The following ZNF677 variants were observed in gnomAD, a reference collection of about 807,000 sequenced individuals.
The protein encoded by ZNF677 is zinc finger protein 677, also known as hypothetical protein MGC48625.
In ZNF677, 5 loss-of-function variants were observed where a neutral mutation model predicts 8.1. That is an observed-to-expected ratio of 0.62 (90% confidence interval 0.32 to 1.29). ZNF677 has a LOEUF of 1.29. Ranked by LOEUF, ZNF677 falls within the 50% of genes most tolerant of loss-of-function variation. The probability of loss-of-function intolerance (pLI) is 0.05; values close to 1 mark genes in which losing one functional copy is unlikely to be tolerated. For missense variants in ZNF677, 685 were observed against 685.9 expected (o/e 1.00, Z 0.01); for synonymous variants, 221 against 225.6 (o/e 0.98, Z 0.18).
chr19:53,254,330 C>T (rs1314703956), intron 1 of ZNF677, among the ~76,000 whole-genome samples: 2 of 152,060 alleles, frequency 1.3e-5, no homozygotes, highest in Admixed American at 1.3e-4. Flanking sequence ...CATTTGGCTT[C>T]CCTTCCTCTC....
chr19:53,250,648 C>A (rs1276700668), intron 3 of ZNF677, among the ~76,000 whole-genome samples: 2 of 152,084 alleles, frequency 1.3e-5, no homozygotes, highest in Admixed American at 6.5e-5. Context: ...TAGAGGGAAA[C>A]AACACACACT....
At position 53,238,336 on chromosome 19, in the gene ZNF677, TGTGA is replaced by T. The variant is rs780001161; in HGVS notation, c.387_390del (p.His130GlufsTer15). 8.1e-6 allele frequency: 13 copies of T among 1,613,034 alleles called. No individual in the cohort carries two copies. Among genetic ancestry groups the T allele is most frequent in the South Asian group, 2.2e-5 (2 of 90,830 alleles). ...GATTTATTATGTTGTTGATCTTTTCTGTGAGTGAGATTTTTGTTACAGGTCAAAG... is the reference window on the plus strand; with the variant it reads ...GATTTATTATGTTGTTGATCTTTTCTGTGAGATTTTTGTTACAGGTCAAAG... On this transcript the variant is annotated frameshift_variant, in exon 5 of 5. Transcript: ENST00000598513. LOFTEE classifies it low-confidence loss of function (END_TRUNC).
intron 1 of ZNF677, 57 bp downstream of exon 1, chr19:53,254,777 G>C (rs1210045411): frequency 6.5e-6 from 1 of 152,672 alleles, no homozygotes; most frequent in Non-Finnish European, 1.5e-5. Flanking sequence ...CGACAGCGGA[G>C]CGTGGGAACC....
At chr19:53,253,829 C>G (rs1258698489) in intron 1 of ZNF677, among the ~76,000 whole-genome samples, 1 of 152,000 alleles carries the variant, frequency 6.6e-6, no homozygotes, top group Non-Finnish European at 1.5e-5. Flanking sequence ...AAGTTGAATA[C>G]ACGTCAAATT....
At position 53,237,854 on chromosome 19, in the gene ZNF677, G is replaced by C; in HGVS notation, c.873C>G (p.Tyr291Ter). Residue 291 changes from tyrosine (Y) to a stop codon, truncating the protein, a stop_gained, in exon 5 of 5, where the codon TAC (tyrosine) becomes TAG (stop). Transcript: ENST00000598513. LOFTEE classifies it low-confidence loss of function (END_TRUNC). ...AGGCTTTGCCACACTCGTTACATTT[G>C]TAAGGTCTCTGTCCAGAGTGAATTC... ...HQRIHSGQRPYKCNECGKAFN... is the reference protein window; with the variant it reads ...HQRIHSGQRP 6.2e-7 allele frequency: 1 copy of C among 1,613,860 alleles called. No homozygotes were observed. The highest frequency in any genetic ancestry group is 8.5e-7 in the Non-Finnish European group (1 of 1,179,986).
Position 53,237,436 on chromosome 19 carries a change from G to A in ZNF677, c.1291C>T (p.His431Tyr), listed in dbSNP as rs1225391776. The A allele has an allele frequency of 1.2e-6, 2 of 1,613,878 alleles. No individual in the cohort carries two copies. Among genetic ancestry groups the A allele is most frequent in the South Asian group, 2.2e-5 (2 of 91,062 alleles). Residue 431 changes from histidine (H) to tyrosine (Y), a missense_variant, in exon 5 of 5, where the codon CAC becomes TAC. His to Tyr is a moderately conservative substitution (Grantham distance 83). Coordinates refer to ENST00000598513, the MANE Select transcript of ZNF677 (RefSeq NM_182609.4). ...HQNIHPGEKP[H>Y]KCNVCGRAFI... is the part of the protein sequence containing the mutation. Reference sequence around the variant, plus strand: ...GCCCTGCCACACACATTACATTTGTGTGGTTTCTCTCCAGGATGTATATTC... The same window carrying A: ...GCCCTGCCACACACATTACATTTGTATGGTTTCTCTCCAGGATGTATATTC...
In ZNF677 at chr19:53,253,102, G is replaced by A. The variant is rs2091260312; in HGVS notation, c.-72C>T. On this transcript the variant is annotated 5_prime_UTR_variant, in exon 2 of 5. Transcript: ENST00000598513. ...TATATTTACCATTCATTAAGAAGAA[G>A]TGGATCATCACAGTTCATCTTCCTC... 6.6e-6 allele frequency: 1 copy of A among 152,176 alleles called. No homozygotes were observed. Among genetic ancestry groups the A allele is most frequent in the African/African-American group, 2.4e-5 (1 of 41,424 alleles). The allele number at this position is 152,176 out of a possible 1,614,324, so 9.4% of individuals were successfully genotyped here.
At chr19:53,241,982 AGTGCAATGGC>A (rs72461224) in intron 4 of ZNF677, 175,495 of 393,074 alleles carry the variant, frequency 0.45, 41,212 homozygotes, top group East Asian at 0.76. Flanking sequence ...CCCAGGCTGG[AGTGCAATGGC>A]GTGATCTCGG....
In ZNF677 at chr19:53,253,163, T is replaced by C. The variant is rs768744844; in HGVS notation, c.-126-7A>G. 3.3e-5 allele frequency: 5 copies of C among 152,098 alleles called. No individual in the cohort carries two copies. Among genetic ancestry groups the C allele is most frequent in the Non-Finnish European group, 7.4e-5 (5 of 68,016 alleles). The allele number at this position is 152,098 out of a possible 1,614,324, so 9.4% of individuals were successfully genotyped here. A position where few individuals can be genotyped will look rare whatever the true frequency, so the allele number is the denominator to read the frequency against. On this transcript the variant is annotated splice_polypyrimidine_tract_variant and splice_region_variant and intron_variant, in intron 1 of 4. Transcript: ENST00000598513. ...CGAGGTCATATTGTGTGGGCTGCAG[T>C]GGAAAAGGAAGAGAAGAGGTTCATT...
intron 3 of ZNF677, among the ~76,000 whole-genome samples, chr19:53,247,936 C>T (rs567634412): frequency 6.6e-6 from 1 of 152,176 alleles, no homozygotes; most frequent in African/African-American, 2.4e-5. Context: ...CCAATAAGTG[C>T]CTTTTAAAGG....
In ZNF677 at chr19:53,236,972, CTAG is replaced by C. The variant is rs1397865479; in HGVS notation, c.1752_1754del (p.Ter585delextTer16). On this transcript the variant is annotated stop_lost and inframe_deletion, in exon 5 of 5. Transcript: ENST00000598513. Reference sequence around the variant, plus strand: ...TCTTTTCACAATGGAGCCCCTGATGCTAGGTACAGCTTGAATACTTAATTTTTG... The same window carrying C: ...TCTTTTCACAATGGAGCCCCTGATGCGTACAGCTTGAATACTTAATTTTTG... 1 of 1,536,826 alleles carries C rather than the reference CTAG, an allele frequency of 6.5e-7. No individual in the cohort carries two copies. Among genetic ancestry groups the C allele is most frequent in the Non-Finnish European group, 8.7e-7 (1 of 1,149,390 alleles).
intron 3 of ZNF677, among the ~76,000 whole-genome samples, chr19:53,248,364 G>A (rs1371842444): frequency 6.6e-6 from 1 of 152,114 alleles, no homozygotes; most frequent in African/African-American, 2.4e-5. Context: ...TAAAAAACCA[G>A]TAATATTGGC....
rs775229411 is a variant in ZNF677 at position 53,237,147 on chromosome 19, A to T, written c.1580T>A (p.Phe527Tyr). Reference sequence around the variant, plus strand: ...TTTCTGGTGTCTAGTGAGGTTTGCAAATTGGGTAAAAGCTTTGCCACATTC... The same window carrying T: ...TTTCTGGTGTCTAGTGAGGTTTGCATATTGGGTAAAAGCTTTGCCACATTC... ...CTECGKAFTQFANLTRHQKIH... is the reference protein window; with the variant it reads ...CTECGKAFTQYANLTRHQKIH... Residue 527 changes from phenylalanine (F) to tyrosine (Y), a missense_variant, in exon 5 of 5, where the codon TTT becomes TAT. Transcript: ENST00000598513. 6.8e-6 allele frequency: 11 copies of T among 1,613,548 alleles called. No homozygotes were observed. Among genetic ancestry groups the T allele is most frequent in the Non-Finnish European group, 7.6e-6 (9 of 1,179,842 alleles).
At chr19:53,244,121 A>G (rs971238043) in intron 3 of ZNF677, 3 of 487,500 alleles carry the variant, frequency 6.2e-6, no homozygotes, top group Non-Finnish European at 1.1e-5. Context: ...CAGCACCTTG[A>G]GAGGCTGAGG....
In ZNF677 at chr19:53,241,464, G is replaced by T. The variant is rs569974498; in HGVS notation, c.169+2280C>A. ...ACTGAAGAAAAATGTACAACTGCACGTATGGGATGAATAATGTGGTATGAG... is the reference window on the plus strand; with the variant it reads ...ACTGAAGAAAAATGTACAACTGCACTTATGGGATGAATAATGTGGTATGAG... On this transcript the variant is annotated intron_variant, in intron 4 of 4. Transcript: ENST00000598513. The T allele has an allele frequency of 8.0e-5, 15 of 187,334 alleles. No homozygotes were observed. In the East Asian group the frequency reaches 1.8e-3, roughly 23 times the overall value. The allele number at this position is 187,334 out of a possible 1,614,324, so 11.6% of individuals were successfully genotyped here. A position where few individuals can be genotyped will look rare whatever the true frequency, so the allele number is the denominator to read the frequency against.
rs1001382439 is a variant in ZNF677, at chr19:53,237,599, T to C, written c.1128A>G (p.Lys376=). The change falls in exon 5 of 5, where the codon AAA becomes AAG. Residue 376 remains lysine (K), a synonymous_variant. Transcript: ENST00000598513. ...CAAAGGCTTTGTCACATTCATTACA[T>C]TTGTAAGGTTTCTCTCCAGTATGAA... ...ERIHTGEKPY[K]CNECDKAFAE... 6.2e-7 allele frequency: 1 copy of C among 1,613,854 alleles called. No individual in the cohort carries two copies. Among genetic ancestry groups the C allele is most frequent in the Non-Finnish European group, 8.5e-7 (1 of 1,179,876 alleles).
chr19:53,252,497 C>G (rs1224004396), intron 2 of ZNF677, among the ~76,000 whole-genome samples: 2 of 152,176 alleles, frequency 1.3e-5, no homozygotes, highest in Non-Finnish European at 2.9e-5. Context: ...TCCTTATTTC[C>G]AGATCACCAT....
intron 3 of ZNF677, among the ~76,000 whole-genome samples, chr19:53,245,258 A>G: frequency 6.6e-6 from 1 of 152,216 alleles, no homozygotes; most frequent in East Asian, 1.9e-4. Context: ...CACAGGCAAG[A>G]AAAGGAAAAA....
chr19:53,254,173 C>T (rs2091278574), intron 1 of ZNF677, among the ~76,000 whole-genome samples: 1 of 152,186 alleles, frequency 6.6e-6, no homozygotes, highest in Admixed American at 6.5e-5. Flanking sequence ...CATATTAAAT[C>T]AATCCACACT....
Sources: gnomAD v4.1 joint callset for allele counts (sites outside exome capture counted in the v4.1 genomes callset) on GRCh38, gnomAD v4.1.1 for gene constraint, MANE v1.5 for transcripts, NCBI Gene and HGNC (gene_info 2026-07-23, HGNC 2026-07-21) for gene names.